The following POGLUT1 variants were observed in gnomAD, a reference collection of about 807,000 sequenced individuals.
POGLUT1 encodes 9630046K23Rik.
POGLUT1 carries 32 observed loss-of-function variants against 61.3 expected under a neutral mutation model. The observed-to-expected ratio is 0.52, with a 90% CI of 0.39 to 0.70. POGLUT1 has a LOEUF of 0.70. POGLUT1 is among the 30% of genes least tolerant of loss of function. The pLI is 0.00. For missense variants in POGLUT1, 411 were observed against 469.8 expected (o/e 0.87, Z 1.16); for synonymous variants, 158 against 158.2 (o/e 1.00, Z 0.01).
Position 119,477,505 on chromosome 3 carries a change from A to T in POGLUT1, c.456+57A>T, listed in dbSNP as rs1028639866. ...GAGAGTGGTCCTCTAGGATATGAGC[A>T]TGAGATCTTTGTCCGGTGACATAGT... On this transcript the variant is annotated intron_variant, in intron 4 of 10. Coordinates refer to ENST00000295588, the MANE Select transcript of POGLUT1 (RefSeq NM_152305.3). 4.1e-5 allele frequency: 63 copies of T among 1,538,218 alleles called. No individual in the cohort carries two copies. The Middle Eastern group carries it at 7.6e-4, about 18-fold the overall frequency.
intron 3 of POGLUT1, among the ~76,000 whole-genome samples, chr3:119,476,966 T>G (rs956403490): frequency 2.0e-5 from 3 of 152,214 alleles, no homozygotes; most frequent in Non-Finnish European, 4.4e-5. Context: ...AGTTTGTATC[T>G]TGTCTACTAA....
chr3:119,492,493 G>A lies in POGLUT1; in HGVS notation c.*55G>A, dbSNP rs547990747. On this transcript the variant is annotated 3_prime_UTR_variant, in exon 11 of 11. Coordinates refer to ENST00000295588, the MANE Select transcript of POGLUT1 (RefSeq NM_152305.3). ...TGGCAACAGATCTCAGATATCCTAC[G>A]GTGAGAAGCTTACCATAAGCTTGGC... 36 of 1,219,156 alleles carry A rather than the reference G, an allele frequency of 3.0e-5. No homozygotes were observed. The highest frequency in any genetic ancestry group is 3.5e-5 in the Non-Finnish European group (31 of 880,488). 75.5% of individuals were successfully genotyped at this position (1,219,156 alleles called of 1,614,324 possible).
chr3:119,469,103 T>G lies in POGLUT1; in HGVS notation c.82T>G (p.Ser28Ala). ...CTCAGCGCAGGGCCGCCAGAAGGAG[T>G]CAGGTGGGCTCCGGGCAGTGCCGAG... ...LPSAQGRQKESGSKWKVFIDQ... is the reference protein window; with the variant it reads ...LPSAQGRQKEAGSKWKVFIDQ... The change falls in exon 1 of 11, where the codon TCA (serine) becomes GCA (alanine). Residue 28 changes from serine (S) to alanine (A), a missense_variant. Ser to Ala is a moderately conservative substitution (Grantham distance 99). Coordinates refer to ENST00000295588, the MANE Select transcript of POGLUT1 (RefSeq NM_152305.3). 6.2e-7 allele frequency: 1 copy of G among 1,602,948 alleles called. No individual in the cohort carries two copies. The highest frequency in any genetic ancestry group is 8.5e-7 in the Non-Finnish European group (1 of 1,176,580).
intron 4 of POGLUT1, among the ~76,000 whole-genome samples, chr3:119,477,687 C>A (rs763155044): frequency 2.6e-5 from 4 of 152,146 alleles, no homozygotes; most frequent in Non-Finnish European, 2.9e-5. Context: ...GAGATGGAGG[C>A]TAGGGCGTGA....
At chr3:119,481,314 T>C (rs2081603451) in intron 5 of POGLUT1, among the ~76,000 whole-genome samples, 1 of 152,162 alleles carries the variant, frequency 6.6e-6, no homozygotes, top group South Asian at 2.1e-4. Flanking sequence ...ATTTCAGAAT[T>C]TAGATTGTGT....
intron 10 of POGLUT1, among the ~76,000 whole-genome samples, chr3:119,492,054 C>CAAAA (rs913623808): frequency 2.8e-5 from 3 of 107,012 alleles, no homozygotes; most frequent in African/African-American, 8.7e-5. Flanking sequence ...AACTCCGTCT[C>CAAAA]AAAAAATAAA....
chr3:119,475,982 A>C (rs1316191006), intron 3 of POGLUT1, among the ~76,000 whole-genome samples: 1 of 126,272 alleles, frequency 7.9e-6, no homozygotes, highest in Non-Finnish European at 1.6e-5. Flanking sequence ...ACACACACAC[A>C]CACACACACA....
chr3:119,477,874 C>T (rs936719220), intron 4 of POGLUT1, among the ~76,000 whole-genome samples: 1 of 152,188 alleles, frequency 6.6e-6, no homozygotes, highest in African/African-American at 2.4e-5. Context: ...CATCTGTCAC[C>T]ATATTCCGGG....
chr3:119,486,496 G>A (rs947156457), intron 6 of POGLUT1, among the ~76,000 whole-genome samples: 24 of 152,104 alleles, frequency 1.6e-4, no homozygotes, highest in African/African-American at 5.8e-4. Context: ...TCACAGTTAT[G>A]AGCACCAGTG....
intron 1 of POGLUT1, 196 bp downstream of exon 1, chr3:119,469,302 T>C: frequency 1.7e-6 from 1 of 592,332 alleles, no homozygotes; most frequent in African/African-American, 1.9e-5. Context: ...CCCTGGAGAG[T>C]AACCCATTCC....
intron 4 of POGLUT1, among the ~76,000 whole-genome samples, chr3:119,479,080 T>C (rs1011271354): frequency 6.6e-6 from 1 of 151,890 alleles, no homozygotes; most frequent in Non-Finnish European, 1.5e-5. Flanking sequence ...CCTGCCACCA[T>C]GCCCGGCTAT....
chr3:119,487,946 C>A (rs560012544), intron 7 of POGLUT1: 1 of 152,194 alleles, frequency 6.6e-6, no homozygotes, highest in Non-Finnish European at 1.5e-5. Flanking sequence ...GAAATGGGAC[C>A]GTTGGTTTAC....
rs555866765 is a variant in POGLUT1 at position 119,483,918 on chromosome 3, G to A, written c.579-1410G>A. ...AATAAATGATTGCAAGGAAATTCTC[G>A]GCTAAAATGTTACATTGTTACCTCT... On this transcript the variant is annotated intron_variant, in intron 5 of 10. Transcript: ENST00000295588. 3.3e-5 allele frequency among the ~76,000 whole-genome samples: 5 copies of A among 152,316 alleles called. No individual in the cohort carries two copies. In the East Asian group the frequency reaches 7.7e-4, roughly 23 times the overall value.
chr3:119,471,910 CT>C (rs751129744), intron 3 of POGLUT1: 36 of 179,172 alleles, frequency 2.0e-4, no homozygotes, highest in Admixed American at 3.7e-4. Flanking sequence ...GATCCCAGCA[CT>C]TTGTGGTGGA....
intron 1 of POGLUT1, among the ~76,000 whole-genome samples, chr3:119,469,477 AG>A (rs1031140198): frequency 1.3e-5 from 2 of 152,204 alleles, no homozygotes; most frequent in African/African-American, 4.8e-5. Flanking sequence ...AGAAGAGAAG[AG>A]GGGTTTAATG....
At chr3:119,472,703 C>T (rs957888740) in intron 3 of POGLUT1, among the ~76,000 whole-genome samples, 2 of 146,408 alleles carry the variant, frequency 1.4e-5, no homozygotes, top group African/African-American at 2.6e-5. Flanking sequence ...GAAACAAGAG[C>T]GAAACTGTCT....
Position 119,492,508 on chromosome 3 carries a change from A to G in POGLUT1, c.*70A>G, listed in dbSNP as rs1295941788. On this transcript the variant is annotated 3_prime_UTR_variant, in exon 11 of 11. Coordinates refer to ENST00000295588, the MANE Select transcript of POGLUT1 (RefSeq NM_152305.3). ...GATATCCTACGGTGAGAAGCTTACCATAAGCTTGGCACCTATACCTTGAAT... is the reference window on the plus strand; with the variant it reads ...GATATCCTACGGTGAGAAGCTTACCGTAAGCTTGGCACCTATACCTTGAAT... 9.3e-7 allele frequency: 1 copy of G among 1,080,014 alleles called. No individual in the cohort carries two copies. The highest frequency in any genetic ancestry group is 1.3e-6 in the Non-Finnish European group (1 of 762,626). The allele number at this position is 1,080,014 out of a possible 1,614,324, so 66.9% of individuals were successfully genotyped here.
intron 4 of POGLUT1, among the ~76,000 whole-genome samples, chr3:119,479,045 T>A (rs1248130346): frequency 6.6e-6 from 1 of 152,104 alleles, no homozygotes; most frequent in Non-Finnish European, 1.5e-5. Context: ...CACCTCAGCC[T>A]CCTGAGTATC....
chr3:119,482,827 T>A (rs2081621058), intron 5 of POGLUT1, among the ~76,000 whole-genome samples: 1 of 152,202 alleles, frequency 6.6e-6, no homozygotes, highest in Non-Finnish European at 1.5e-5. Context: ...AATTCATTGT[T>A]CTTTACAGAT....
Sources: allele counts gnomAD v4.1 joint callset (sites outside exome capture counted in the v4.1 genomes callset), GRCh38; gene constraint gnomAD v4.1.1; transcripts MANE v1.5; gene names NCBI Gene and HGNC (gene_info 2026-07-23, HGNC 2026-07-21).